The following ATP6V1B2 variants were observed in gnomAD, a reference collection of about 807,000 sequenced individuals.
ATP6V1B2 encodes ATPase H+ transporting V1 subunit B2.
In ATP6V1B2, 23 loss-of-function variants were observed where a neutral mutation model predicts 66.7. The observed-to-expected ratio is 0.34, with a 90% CI of 0.25 to 0.49. The LOEUF (loss-of-function observed/expected upper bound fraction) is 0.49, where lower values mean the gene tolerates loss of function less well. Among genes scored for constraint, ATP6V1B2 ranks in the 20% least tolerant of loss-of-function variants. The probability of loss-of-function intolerance (pLI) is 0.99; values close to 1 mark genes in which losing one functional copy is unlikely to be tolerated. For synonymous variants in ATP6V1B2, 278 were observed against 236.7 expected (o/e 1.17, Z -1.60); for missense variants, 478 against 650.8 (o/e 0.73, Z 2.89).
At chr8:20,208,483 A>G (rs2072759750) in intron 2 of ATP6V1B2, among the ~76,000 whole-genome samples, 1 of 152,210 alleles carries the variant, frequency 6.6e-6, no homozygotes, top group African/African-American at 2.4e-5. Context: ...TAAAATAAGT[A>G]TTAACATGCC....
intron 2 of ATP6V1B2, among the ~76,000 whole-genome samples, chr8:20,206,063 T>G (rs1286513045): frequency 6.6e-6 from 1 of 152,210 alleles, no homozygotes; most frequent in Non-Finnish European, 1.5e-5. Flanking sequence ...ATAACAAACT[T>G]TTAACCTCTT....
chr8:20,221,032 AATACACAGAAT>A lies in ATP6V1B2; in HGVS notation c.*631_*641del, dbSNP rs1349700592. 2 of 152,246 alleles carry A rather than the reference AATACACAGAAT, an allele frequency of 1.3e-5. No homozygotes were observed. Among genetic ancestry groups the A allele is most frequent in the East Asian group, 3.9e-4 (2 of 5,172 alleles). The allele number at this position is 152,246 out of a possible 1,614,324, so 9.4% of individuals were successfully genotyped here. A position where few individuals can be genotyped will look rare whatever the true frequency, so the allele number is the denominator to read the frequency against. ...GTCTTACAGCTCTCCCTCTCCAAAT[AATACACAGAAT>A]CCTGCAACTTTTTGCACAGCTGGTA... On this transcript the variant is annotated 3_prime_UTR_variant, in exon 14 of 14. Transcript: ENST00000276390.
At chr8:20,203,768 T>C (rs2072709970) in intron 1 of ATP6V1B2, among the ~76,000 whole-genome samples, 1 of 152,156 alleles carries the variant, frequency 6.6e-6, no homozygotes, top group Non-Finnish European at 1.5e-5. Context: ...TAGCTGTTTA[T>C]TCCTAGGGCG....
Position 20,220,498 on chromosome 8 carries a change from T to G in ATP6V1B2, c.*96T>G. On this transcript the variant is annotated 3_prime_UTR_variant, in exon 14 of 14. Transcript: ENST00000276390. ...CGGTTCCCACCTTTGTGTTGGAGTT[T>G]ACCATGTTACCCTGTAATTAAAAAC... 7.0e-7 allele frequency: 1 copy of G among 1,423,642 alleles called. No homozygotes were observed. Among genetic ancestry groups the G allele is most frequent in the Non-Finnish European group, 9.3e-7 (1 of 1,078,968 alleles). The allele number at this position is 1,423,642 out of a possible 1,614,324, so 88.2% of individuals were successfully genotyped here.
At chr8:20,202,353 A>G (rs1698554995) in intron 1 of ATP6V1B2, among the ~76,000 whole-genome samples, 1 of 152,112 alleles carries the variant, frequency 6.6e-6, no homozygotes, top group African/African-American at 2.4e-5. Context: ...TCTGAGAATA[A>G]TTTTTCTCTT....
chr8:20,211,352 A>C (rs775369327), intron 6 of ATP6V1B2, 36 bp downstream of exon 6: 1 of 1,592,132 alleles, frequency 6.3e-7, no homozygotes, highest in Non-Finnish European at 8.5e-7. Flanking sequence ...GAAGTTTAGC[A>C]GACAAGAATT....
In ATP6V1B2 at chr8:20,209,681, G is replaced by A. The variant is rs112577391; in HGVS notation, c.291+150G>A. 3,656 of 744,452 alleles carry A rather than the reference G, an allele frequency of 4.9e-3. 20 individuals are homozygous for A. Among genetic ancestry groups the A allele is most frequent in the Non-Finnish European group, 5.4e-3 (2,513 of 462,930 alleles). 46.1% of individuals were successfully genotyped at this position (744,452 alleles called of 1,614,324 possible). A position where few individuals can be genotyped will look rare whatever the true frequency, so the allele number is the denominator to read the frequency against. ...GCAGGGAAAGAAACTATTATTGCAT[G>A]TTTTTTTGCTCAGTGTCACTTAGTC... On this transcript the variant is annotated intron_variant, in intron 3 of 13. Coordinates refer to ENST00000276390, the MANE Select transcript of ATP6V1B2 (RefSeq NM_001693.4).
At chr8:20,217,938 A>G (rs1337620925) in intron 12 of ATP6V1B2, among the ~76,000 whole-genome samples, 1 of 152,222 alleles carries the variant, frequency 6.6e-6, no homozygotes, top group Non-Finnish European at 1.5e-5. Context: ...TTTGTAGAAC[A>G]TTAGGAGTGT....
intron 3 of ATP6V1B2, 34 bp from the exon 4 acceptor site, chr8:20,210,312 T>C (rs528919156): frequency 1.3e-6 from 2 of 1,563,412 alleles, no homozygotes; most frequent in Non-Finnish European, 1.8e-6. Flanking sequence ...TCTAAATTAC[T>C]TCTACCCTTC....
intron 12 of ATP6V1B2, among the ~76,000 whole-genome samples, 164 bp downstream of exon 12, chr8:20,217,488 C>CT (rs2072867836): frequency 6.6e-6 from 1 of 152,296 alleles, no homozygotes; most frequent in African/African-American, 2.4e-5. Flanking sequence ...CCAAAGCAGC[C>CT]TTTTCCCATA....
chr8:20,198,997 G>A (rs11987478), intron 1 of ATP6V1B2, among the ~76,000 whole-genome samples: 1,931 of 152,230 alleles, frequency 0.013, 58 homozygotes, highest in African/African-American at 0.044. Flanking sequence ...TCTTTGGGTA[G>A]AACAGATAGA....
intron 1 of ATP6V1B2, among the ~76,000 whole-genome samples, chr8:20,200,461 T>C (rs1057145180): frequency 2.0e-5 from 3 of 152,206 alleles, no homozygotes; most frequent in African/African-American, 7.2e-5. Context: ...AATGAAGAAA[T>C]GGAGTAATGT....
At chr8:20,219,010 T>G (rs920505181) in intron 13 of ATP6V1B2, among the ~76,000 whole-genome samples, 2 of 152,252 alleles carry the variant, frequency 1.3e-5, no homozygotes, top group African/African-American at 4.8e-5. Context: ...CCTTCTTTGC[T>G]TATTGTCCAT....
Position 20,197,892 on chromosome 8 carries a change from C to T in ATP6V1B2, c.136+350C>T, listed in dbSNP as rs79124350. Among the ~76,000 whole-genome samples, 42 of 152,334 alleles carry T rather than the reference C, an allele frequency of 2.8e-4. 4 individuals are homozygous for T. The highest frequency in any genetic ancestry group is 1.9e-3 in the East Asian group (10 of 5,174). Reference sequence around the variant, plus strand: ...TTGCCACTCCGATCTTAATCTTCCCCTGACTTCATTTGGATATCTAGGGGT... The same window carrying T: ...TTGCCACTCCGATCTTAATCTTCCCTTGACTTCATTTGGATATCTAGGGGT... On this transcript the variant is annotated intron_variant, in intron 1 of 13. Transcript: ENST00000276390.
At chr8:20,212,638 G>A in intron 8 of ATP6V1B2, 144 bp from the exon 9 acceptor site, 1 of 1,234,228 alleles carries the variant, frequency 8.1e-7, no homozygotes, top group Non-Finnish European at 1.1e-6. Flanking sequence ...TTAAGAATTT[G>A]TAAAATAACA....
chr8:20,211,385 G>C lies in ATP6V1B2; in HGVS notation c.603+69G>C, dbSNP rs777715384. ...ATTTCTATAATGCATCACTGTTACTGAGAAACCGAATAAAGGGTTTTCAAA... is the reference window on the plus strand; with the variant it reads ...ATTTCTATAATGCATCACTGTTACTCAGAAACCGAATAAAGGGTTTTCAAA... On this transcript the variant is annotated intron_variant, in intron 6 of 13. Transcript: ENST00000276390. 2.5e-4 allele frequency: 385 copies of C among 1,561,748 alleles called. 1 individual carries two copies. Among genetic ancestry groups the C allele is most frequent in the Non-Finnish European group, 3.1e-4 (363 of 1,156,780 alleles).
At chr8:20,208,902 T>C (rs115890956) in intron 2 of ATP6V1B2, among the ~76,000 whole-genome samples, 3,348 of 151,988 alleles carry the variant, frequency 0.022, 159 homozygotes, top group African/African-American at 0.077. Flanking sequence ...AAAAATAAAA[T>C]TTCACCATGT....
intron 10 of ATP6V1B2, 42 bp downstream of exon 10, chr8:20,215,010 A>G (rs771668816): frequency 6.3e-7 from 1 of 1,589,276 alleles, no homozygotes; most frequent in Non-Finnish European, 8.6e-7. Flanking sequence ...TAATCATTTT[A>G]AAGAGAGAGA....
chr8:20,217,852 A>G (rs997460444), intron 12 of ATP6V1B2, among the ~76,000 whole-genome samples: 5 of 152,174 alleles, frequency 3.3e-5, no homozygotes, highest in Admixed American at 1.3e-4. Flanking sequence ...GGATTTCTCC[A>G]TGGTTTAACT....
Sources: allele counts gnomAD v4.1 joint callset (sites outside exome capture counted in the v4.1 genomes callset), GRCh38; gene constraint gnomAD v4.1.1; transcripts MANE v1.5; gene names NCBI Gene and HGNC (gene_info 2026-07-23, HGNC 2026-07-21).